CDT1: variants seen among roughly 807,000 people sequenced by gnomAD.
The protein encoded by CDT1 is chromatin licensing and DNA replication factor 1.
In CDT1, 66 loss-of-function variants were observed where a neutral mutation model predicts 49.3. The ratio of observed to expected loss-of-function variants is 1.34; its 90% confidence interval spans 1.10 to 1.64. CDT1 has a LOEUF of 1.64. CDT1 is among the 40% of genes most tolerant of loss of function. CDT1 has a pLI of 0.00. For missense variants in CDT1, 958 were observed against 807.7 expected, an observed-to-expected ratio of 1.19 and a Z score of -2.26; for synonymous variants, 424 against 347.4, an observed-to-expected ratio of 1.22 and a Z score of -2.45.
chr16:88,804,133 G>T (rs1286079629), intron 1 of CDT1, 74 bp downstream of exon 1: 2 of 920,614 alleles, frequency 2.2e-6, no homozygotes, highest in Non-Finnish European at 2.9e-6. Context: ...AGGGCTCGGG[G>T]AAACTGAGGC....
In CDT1 at chr16:88,809,081, G is replaced by A; in HGVS notation, c.*803G>A. On this transcript the variant is annotated 3_prime_UTR_variant, in exon 10 of 10. Coordinates refer to ENST00000301019, the MANE Select transcript of CDT1 (RefSeq NM_030928.4). ...TGTCATCACAGGGCCTTCATGACAG[G>A]GCCAGAGCCAGCCAGCTTTGAAGAC... 1 of 238,388 alleles carries A rather than the reference G, an allele frequency of 4.2e-6. No individual in the cohort carries two copies. The allele number at this position is 238,388 out of a possible 1,614,324, so 14.8% of individuals were successfully genotyped here. A position where few individuals can be genotyped will look rare whatever the true frequency, so the allele number is the denominator to read the frequency against.
Position 88,808,370 on chromosome 16 carries a change from C to G in CDT1, c.*92C>G, listed in dbSNP as rs15829. 7.1e-7 allele frequency: 1 copy of G among 1,414,988 alleles called. No homozygotes were observed. Among genetic ancestry groups the G allele is most frequent in the Non-Finnish European group, 9.5e-7 (1 of 1,050,522 alleles). The allele number at this position is 1,414,988 out of a possible 1,614,324, so 87.7% of individuals were successfully genotyped here. On this transcript the variant is annotated 3_prime_UTR_variant, in exon 10 of 10. Coordinates refer to ENST00000301019, the MANE Select transcript of CDT1 (RefSeq NM_030928.4). ...CTTTTATGAACATGATACACTTTGG[C>G]CTTCCTTTCCCCAGCGCCCCTGAGG...
rs753287084 is a variant in CDT1, at chr16:88,807,498, G to A, written c.1477+16G>A. 1.2e-6 allele frequency: 2 copies of A among 1,609,938 alleles called. No individual in the cohort carries two copies. Among genetic ancestry groups the A allele is most frequent in the South Asian group, 2.2e-5 (2 of 90,880 alleles). On this transcript the variant is annotated intron_variant, in intron 9 of 9. Transcript: ENST00000301019. The stretch of plus-strand genomic sequence containing the variant: ...ATGAGCCCTGGTACGTGCAGGGCGG[G>A]GTGAAGGGGCGTGCAGGGTGGAATT...
At chr16:88,806,358 G>A in intron 6 of CDT1, 128 bp from the exon 7 acceptor site, 1 of 1,206,164 alleles carries the variant, frequency 8.3e-7, no homozygotes, top group Non-Finnish European at 1.2e-6. Flanking sequence ...TCCAAGCTGA[G>A]CACTGGGCAG....
chr16:88,808,015 C>T (rs142212248), intron 9 of CDT1, 100 bp from the exon 10 acceptor site: 27 of 1,357,962 alleles, frequency 2.0e-5, no homozygotes, highest in Admixed American at 3.9e-5. Flanking sequence ...TGAGGGCGAC[C>T]AGGCAGGCAC....
rs764695097 is a variant in CDT1, at chr16:88,806,692, G to C, written c.1122+18G>C. 3 of 1,579,758 alleles carry C rather than the reference G, an allele frequency of 1.9e-6. No individual in the cohort carries two copies. In the South Asian group the frequency reaches 3.4e-5, roughly 18 times the overall value. ...CACCCAGGGTGAGACTGCGAGGCTT[G>C]GGCAGCCCATTTCTCCCGGGTGGGT... On this transcript the variant is annotated intron_variant, in intron 7 of 9. Transcript: ENST00000301019.
Position 88,807,419 on chromosome 16 carries a change from G to C in CDT1, c.1414G>C (p.Ala472Pro). Residue 472 changes from alanine to proline, a missense_variant, in exon 9 of 10, where the codon GCG (alanine) becomes CCG (proline). Transcript: ENST00000301019. ...CGTCTTTGTGTCCGAACGCAAGCCTGCGCTCAGCATGGAGGTGGCCTGTGC... is the reference window on the plus strand; with the variant it reads ...CGTCTTTGTGTCCGAACGCAAGCCTCCGCTCAGCATGGAGGTGGCCTGTGC... ...RSVFVSERKP[A>P]LSMEVACARM... 6.2e-7 allele frequency: 1 copy of C among 1,613,042 alleles called. No individual in the cohort carries two copies.
In CDT1 at chr16:88,805,550, T is replaced by C. The variant is rs749876459; in HGVS notation, c.599T>C (p.Met200Thr). ...YQVLAEMFRS[M>T]DTIVGMLHNR... ...GTGCTGGCGGAGATGTTCCGCAGCA[T>C]GGACACCATCGTGGGCATGCTCCAC... The change falls in exon 4 of 10, where the codon ATG (methionine) becomes ACG (threonine). Residue 200 changes from methionine to threonine, a missense_variant. Met to Thr is a moderately conservative substitution (Grantham distance 81). Transcript: ENST00000301019. 5.0e-6 allele frequency: 8 copies of C among 1,612,774 alleles called. No homozygotes were observed. The highest frequency in any genetic ancestry group is 2.2e-5 in the East Asian group (1 of 44,888).
chr16:88,804,720 C>G, intron 2 of CDT1, 42 bp from the exon 3 acceptor site: 1 of 1,612,572 alleles, frequency 6.2e-7, no homozygotes, highest in Non-Finnish European at 8.5e-7. Context: ...TGCCGGCCTG[C>G]CTGCCTGCCT....
Position 88,807,499 on chromosome 16 carries a change from G to C in CDT1, c.1477+17G>C. The C allele has an allele frequency of 6.2e-7, 1 of 1,609,048 alleles. No homozygotes were observed. Among genetic ancestry groups the C allele is most frequent in the Non-Finnish European group, 8.5e-7 (1 of 1,177,350 alleles). On this transcript the variant is annotated intron_variant, in intron 9 of 9. Transcript: ENST00000301019. ...TGAGCCCTGGTACGTGCAGGGCGGG[G>C]TGAAGGGGCGTGCAGGGTGGAATTG...
chr16:88,804,768 A>G lies in CDT1; in HGVS notation c.358A>G (p.Ile120Val). ...TCCCCTGATCCCCCTGAAGGACACC[A>G]TCTCTGAGCTTGCGTCATGCCTGCA... The part of the protein sequence containing the change: ...HLTSAQDQDT[I>V]SELASCLQRA... The change falls in exon 3 of 10, where the codon ATC (isoleucine) becomes GTC (valine). Residue 120 changes from isoleucine (I) to valine (V), a missense_variant. By Grantham distance (29) the Ile-to-Val change is conservative (BLOSUM62 3). Coordinates refer to ENST00000301019, the MANE Select transcript of CDT1 (RefSeq NM_030928.4). 1.2e-6 allele frequency: 2 copies of G among 1,612,854 alleles called. No homozygotes were observed. The highest frequency in any genetic ancestry group is 1.7e-6 in the Non-Finnish European group (2 of 1,179,898).
intron 7 of CDT1, 47 bp from the exon 8 acceptor site, chr16:88,807,004 C>T (rs1908880674): frequency 6.2e-7 from 1 of 1,611,340 alleles, no homozygotes; most frequent in African/African-American, 1.3e-5. Flanking sequence ...CAGCCAGGGG[C>T]ACGTTGCATC....
At chr16:88,806,238 T>C (rs1371153202) in intron 6 of CDT1, 117 bp downstream of exon 6, 2 of 1,124,922 alleles carry the variant, frequency 1.8e-6, no homozygotes, top group Non-Finnish European at 2.6e-6. Context: ...GGAACTGGGC[T>C]GGGTTCACCC....
chr16:88,807,604 C>T (rs139102780), intron 9 of CDT1, 122 bp downstream of exon 9: 38 of 1,009,186 alleles, frequency 3.8e-5, no homozygotes, highest in South Asian at 3.1e-4. Context: ...GTGCAGTGGG[C>T]GCTGGCCTCT....
chr16:88,806,094 G>C lies in CDT1; in HGVS notation c.906G>C (p.Leu302=), dbSNP rs1258423816. The change falls in exon 6 of 10, where the codon CTG becomes CTC. Residue 302 remains leucine, a synonymous_variant. Coordinates refer to ENST00000301019, the MANE Select transcript of CDT1 (RefSeq NM_030928.4). ...LQRRQIFSQK[L]VEHVKEHHKA... ...GACGGCAGATCTTCAGCCAGAAGCT[G>C]GTGGAGCATGTCAAGGAGCACCACA... 6.2e-7 allele frequency: 1 copy of C among 1,601,736 alleles called. No individual in the cohort carries two copies. The highest frequency in any genetic ancestry group is 8.5e-7 in the Non-Finnish European group (1 of 1,177,824).
Position 88,805,797 on chromosome 16 carries a change from A to G in CDT1, c.760A>G (p.Ser254Gly). ...CTCCTACCGCTTCCGCCAGGAGCGC[A>G]GTGTCCCCACCTTCAAGGATGGCAC... The part of the protein sequence containing the change: ...PASYRFRQER[S>G]VPTFKDGTRR... Residue 254 changes from serine to glycine, a missense_variant, in exon 5 of 10, where the codon AGT (serine) becomes GGT (glycine). Transcript: ENST00000301019. 1.2e-6 allele frequency: 2 copies of G among 1,613,170 alleles called. No individual in the cohort carries two copies. Among genetic ancestry groups the G allele is most frequent in the South Asian group, 1.1e-5 (1 of 91,086 alleles).
Position 88,805,763 on chromosome 16 carries a change from G to A in CDT1, c.726G>A (p.Val242=), listed in dbSNP as rs574671863. 6.8e-6 allele frequency: 11 copies of A among 1,613,086 alleles called. No homozygotes were observed. The South Asian group carries it at 1.2e-4, about 18-fold the overall frequency. ...GCAATGTTGGCCAGATCAAAACCGTGTACCCGGCCTCCTACCGCTTCCGCC... is the reference window on the plus strand; with the variant it reads ...GCAATGTTGGCCAGATCAAAACCGTATACCCGGCCTCCTACCGCTTCCGCC... ...EECNVGQIKT[V]YPASYRFRQE... The change falls in exon 5 of 10, where the codon GTG becomes GTA. Residue 242 remains valine (V), a synonymous_variant. Coordinates refer to ENST00000301019, the MANE Select transcript of CDT1 (RefSeq NM_030928.4).
intron 6 of CDT1, 83 bp from the exon 7 acceptor site, chr16:88,806,403 G>A: frequency 6.6e-7 from 1 of 1,503,968 alleles, no homozygotes; most frequent in Non-Finnish European, 9.0e-7. Context: ...GCCCGGCTGG[G>A]ACGTAAGCAC....
chr16:88,804,479 G>A (rs1908768104), intron 1 of CDT1, 66 bp from the exon 2 acceptor site: 1 of 1,575,444 alleles, frequency 6.3e-7, no homozygotes, highest in Admixed American at 1.8e-5. Flanking sequence ...GATCCTTCGG[G>A]GTCCTCTGCA....
Sources: gnomAD v4.1 joint callset for allele counts on GRCh38, gnomAD v4.1.1 for gene constraint, MANE v1.5 for transcripts, NCBI Gene and HGNC (gene_info 2026-07-23, HGNC 2026-07-21) for gene names.